The following ARMC2 variants were observed in gnomAD, a reference collection of about 807,000 sequenced individuals.
The protein encoded by ARMC2 is armadillo repeat containing 2, also known as armadillo repeat-containing protein 2.
A neutral mutation model predicts 90.3 loss-of-function variants in ARMC2; 67 were observed. The observed-to-expected ratio is 0.74, with a 90% CI of 0.61 to 0.91. The LOEUF is 0.91. ARMC2 is among the 40% of genes least tolerant of loss of function. The probability of loss-of-function intolerance (pLI) is 0.00; values close to 1 mark genes in which losing one functional copy is unlikely to be tolerated. For missense variants in ARMC2, 920 were observed against 1,030.9 expected (o/e 0.89, Z 1.47); for synonymous variants, 393 against 393.0 (o/e 1.00, Z 0.00).
the ARMC2 span, among the ~76,000 whole-genome samples, chr6:109,046,322 TG>T: frequency 6.6e-6 from 1 of 151,780 alleles, no homozygotes; most frequent in Non-Finnish European, 1.5e-5. Flanking sequence ...TAACCGCGAG[TG>T]ATCCGCCAGC....
intron 1 of ARMC2, among the ~76,000 whole-genome samples, chr6:108,849,678 T>C (rs1019962491): frequency 1.3e-5 from 2 of 152,268 alleles, no homozygotes; most frequent in African/African-American, 4.8e-5. Context: ...GTTAACATCT[T>C]TAAGGGCCAT....
At chr6:108,959,791 T>G (rs967560283) in intron 13 of ARMC2, among the ~76,000 whole-genome samples, 15 of 152,054 alleles carry the variant, frequency 9.9e-5, no homozygotes, top group Non-Finnish European at 2.2e-4. Flanking sequence ...GTTCAAGCAA[T>G]TCTTCTGCCT....
chr6:108,911,710 G>T (rs1258731015), intron 9 of ARMC2, among the ~76,000 whole-genome samples: 2 of 152,036 alleles, frequency 1.3e-5, no homozygotes, highest in Non-Finnish European at 2.9e-5. Flanking sequence ...AAGAATTGTC[G>T]ACTGAAAACA....
intron 3 of ARMC2, among the ~76,000 whole-genome samples, chr6:108,866,793 C>T (rs1775865838): frequency 6.6e-6 from 1 of 151,856 alleles, no homozygotes; most frequent in South Asian, 2.1e-4. Context: ...AAAAATGTGT[C>T]TTTAATATCA....
At chr6:108,984,166 C>T in the ARMC2 span, among the ~76,000 whole-genome samples, 1 of 152,280 alleles carries the variant, frequency 6.6e-6, no homozygotes, top group Admixed American at 6.5e-5. Flanking sequence ...CTGCACCGTC[C>T]ACCCTGGGTC....
At chr6:109,032,315 C>T in the ARMC2 span, among the ~76,000 whole-genome samples, 5 of 152,028 alleles carry the variant, frequency 3.3e-5, no homozygotes, top group Admixed American at 3.3e-4. Flanking sequence ...GAGGCGTGCT[C>T]CCCCTGTACA....
chr6:108,934,907 CA>C (rs1775836175), intron 11 of ARMC2, among the ~76,000 whole-genome samples: 1 of 152,096 alleles, frequency 6.6e-6, no homozygotes, highest in Admixed American at 6.5e-5. Context: ...AGGCAATATT[CA>C]GAATACTTTC....
At chr6:108,950,753 C>T (rs1224041301) in intron 12 of ARMC2, among the ~76,000 whole-genome samples, 3 of 152,150 alleles carry the variant, frequency 2.0e-5, no homozygotes, top group East Asian at 3.8e-4. Flanking sequence ...AACAAAAGTG[C>T]TCATGTACCC....
At chr6:109,008,791 G>C in the ARMC2 span, 82 of 985,260 alleles carry the variant, frequency 8.3e-5, no homozygotes, top group Non-Finnish European at 9.6e-5. Flanking sequence ...GGCTTAATAC[G>C]CAAGAGTAAA....
the ARMC2 span, among the ~76,000 whole-genome samples, chr6:108,999,519 A>G: frequency 2.0e-5 from 3 of 152,194 alleles, no homozygotes; most frequent in East Asian, 3.8e-4. Flanking sequence ...TAATAAATAG[A>G]ACCAGAACTA....
the ARMC2 span, among the ~76,000 whole-genome samples, chr6:109,023,281 T>G: frequency 6.6e-6 from 1 of 152,220 alleles, no homozygotes; most frequent in Non-Finnish European, 1.5e-5. Flanking sequence ...CATTCTTCTC[T>G]CAGAGTTTCA....
chr6:108,922,721 T>C lies in ARMC2; in HGVS notation c.1351-5367T>C, dbSNP rs1774707092. Among the ~76,000 whole-genome samples the C allele has an allele frequency of 2.6e-5, 4 of 152,208 alleles. No individual in the cohort carries two copies. In the South Asian group the frequency reaches 8.3e-4, roughly 32 times the overall value. On this transcript the variant is annotated intron_variant, in intron 10 of 17. Coordinates refer to ENST00000392644, the MANE Select transcript of ARMC2 (RefSeq NM_032131.6). The stretch of plus-strand genomic sequence containing the variant: ...ATAATTCAATGTGAGCTGGGTAGCT[T>C]TGCCAAGTCTCCAGGTGTTTTCCCT...
At chr6:108,979,505 GC>G in the ARMC2 span, among the ~76,000 whole-genome samples, 1 of 152,014 alleles carries the variant, frequency 6.6e-6, no homozygotes, top group Non-Finnish European at 1.5e-5. Context: ...TCTTTGTGGT[GC>G]TCTCTGTATT....
the ARMC2 span, chr6:108,992,938 A>G: frequency 2.2e-6 from 3 of 1,334,920 alleles, no homozygotes; most frequent in Non-Finnish European, 3.2e-6. Flanking sequence ...TAAAAATAGG[A>G]TGCTAGTTAA....
chr6:109,015,853 A>G, the ARMC2 span, among the ~76,000 whole-genome samples: 1 of 152,208 alleles, frequency 6.6e-6, no homozygotes, highest in Non-Finnish European at 1.5e-5. Context: ...TTTTTCTAAC[A>G]GTTTTTTGAG....
chr6:108,994,661 G>C, the ARMC2 span: 1 of 965,020 alleles, frequency 1.0e-6, no homozygotes, highest in East Asian at 3.6e-5. Flanking sequence ...GAATATATAT[G>C]AATTATCTTT....
intron 17 of ARMC2, among the ~76,000 whole-genome samples, chr6:108,966,374 G>C (rs919654833): frequency 6.6e-6 from 1 of 152,062 alleles, no homozygotes; most frequent in Admixed American, 6.6e-5. Context: ...TTAATGTCCA[G>C]ATTGCAGGGT....
At chr6:108,894,783 T>G (rs1017722909) in intron 6 of ARMC2, among the ~76,000 whole-genome samples, 2 of 146,788 alleles carry the variant, frequency 1.4e-5, no homozygotes, top group African/African-American at 5.1e-5. Context: ...TTTTTTTTTT[T>G]TGAGATGGAG....
At chr6:108,927,549 A>T (rs1264963367) in intron 10 of ARMC2, among the ~76,000 whole-genome samples, 1 of 150,464 alleles carries the variant, frequency 6.6e-6, no homozygotes, top group Non-Finnish European at 1.5e-5. Flanking sequence ...GCTTTCCTGA[A>T]TTTTTTTTTT....
Sources: gnomAD v4.1 joint callset for allele counts (sites outside exome capture counted in the v4.1 genomes callset) on GRCh38, gnomAD v4.1.1 for gene constraint, MANE v1.5 for transcripts, NCBI Gene and HGNC (gene_info 2026-07-23, HGNC 2026-07-21) for gene names.